DYNC2H1: variants seen among roughly 807,000 people sequenced by gnomAD.
DYNC2H1 encodes the protein cytoplasmic dynein 2 heavy chain 1.
DYNC2H1 carries 410 observed loss-of-function variants against 570.0 expected under a neutral mutation model. That is an observed-to-expected ratio of 0.72 (90% CI 0.66 to 0.78). DYNC2H1 has a LOEUF of 0.78. DYNC2H1 is among the 30% of genes least tolerant of loss of function. The probability of loss-of-function intolerance (pLI) is 0.00; values close to 1 mark genes in which losing one functional copy is unlikely to be tolerated. For synonymous variants in DYNC2H1, 1,688 were observed against 1,677.6 expected (o/e 1.01, Z -0.15); for missense variants, 4,865 against 5,046.4 (o/e 0.96, Z 1.09).
rs768773671 is a variant in DYNC2H1, at chr11:103,439,995, T to G, written c.12456+3963T>G. ...ACAGCAGTATATTCTGATTCTTCTG[T>G]GATGATCATTCTAAATTCTAGCGTG... On this transcript the variant is annotated intron_variant, in intron 85 of 88. Transcript: ENST00000375735. The surrounding 1 kb of genome is among the most constrained non-coding windows in gnomAD (Gnocchi z 4.1). 6.6e-6 allele frequency among the ~76,000 whole-genome samples: 1 copy of G among 152,116 alleles called. No homozygotes were observed. Among genetic ancestry groups the G allele is most frequent in the Non-Finnish European group, 1.5e-5 (1 of 68,012 alleles).
At chr11:103,311,213 A>G (rs1867572711) in intron 78 of DYNC2H1, among the ~76,000 whole-genome samples, 1 of 152,150 alleles carries the variant, frequency 6.6e-6, no homozygotes, top group Non-Finnish European at 1.5e-5. Context: ...ATTTTTTAAT[A>G]TTAGAATTCT....
intron 45 of DYNC2H1, 142 bp from the exon 46 acceptor site, chr11:103,191,375 T>C: frequency 1.6e-6 from 1 of 615,714 alleles, no homozygotes; most frequent in Non-Finnish European, 2.8e-6. Flanking sequence ...AGTATAAAGA[T>C]AATGAAGTCA....
chr11:103,394,538 A>G lies in DYNC2H1; in HGVS notation c.12157-5125A>G, dbSNP rs374670764. On this transcript the variant is annotated intron_variant, in intron 83 of 88. Transcript: ENST00000375735. Reference sequence around the variant, plus strand: ...TGGTATTGAGGGAGGCTCAATACCAAGAGGAGGGTAGGGAAGGGAATAAAA... The same window carrying G: ...TGGTATTGAGGGAGGCTCAATACCAGGAGGAGGGTAGGGAAGGGAATAAAA... Among the ~76,000 whole-genome samples, 13 of 152,144 alleles carry G rather than the reference A, an allele frequency of 8.5e-5. No individual in the cohort carries two copies. The South Asian group carries it at 1.5e-3, about 17-fold the overall frequency.
intron 84 of DYNC2H1, among the ~76,000 whole-genome samples, chr11:103,409,425 G>T (rs1709149): frequency 0.33 from 49,144 of 151,040 alleles, 8,072 homozygotes; most frequent in African/African-American, 0.39. Context: ...TAGATGTTGA[G>T]CTTGAATGCT....
At chr11:103,295,902 G>A (rs1275425674) in intron 75 of DYNC2H1, among the ~76,000 whole-genome samples, 3 of 152,146 alleles carry the variant, frequency 2.0e-5, no homozygotes, top group Non-Finnish European at 4.4e-5. Flanking sequence ...CACTGGGTCT[G>A]AGTGCCCTCG....
At chr11:103,308,958 C>T (rs536648149) in intron 78 of DYNC2H1, among the ~76,000 whole-genome samples, 2 of 152,028 alleles carry the variant, frequency 1.3e-5, no homozygotes, top group South Asian at 2.1e-4. Context: ...GCTTTTCACT[C>T]TGTTGATTGT....
At chr11:103,414,328 AAATTCACCACTGCTGGG>A (rs1286679037) in intron 84 of DYNC2H1, among the ~76,000 whole-genome samples, 1 of 152,206 alleles carries the variant, frequency 6.6e-6, no homozygotes, top group Non-Finnish European at 1.5e-5. Flanking sequence ...TCCTTGAAAT[AAATTCACCACTGCTGGG>A]CGCAGTGGCT....
Position 103,192,248 on chromosome 11 carries a change from A to G in DYNC2H1, c.7692A>G (p.Ile2564Met). Residue 2564 changes from isoleucine to methionine, a missense_variant, in exon 47 of 89, where the codon ATA (isoleucine) becomes ATG (methionine). Transcript: ENST00000375735. ...TTCAAGGAGATTGGGGCTCAGACAT[A>G]TTAGACAATATGTCAGGTAAGGTAA... Reference protein sequence around the residue: ...SVFQGDWGSDILDNMSDSFYV... With the variant: ...SVFQGDWGSDMLDNMSDSFYV... The G allele has an allele frequency of 1.9e-6, 3 of 1,558,430 alleles. No homozygotes were observed. Among genetic ancestry groups the G allele is most frequent in the Non-Finnish European group, 2.6e-6 (3 of 1,144,934 alleles).
At chr11:103,255,869 A>G (rs990985740) in intron 67 of DYNC2H1, among the ~76,000 whole-genome samples, 7 of 152,082 alleles carry the variant, frequency 4.6e-5, no homozygotes, top group Admixed American at 1.3e-4. Context: ...GACAAAATTA[A>G]TACCTTGCTA....
rs12418765 is a variant in DYNC2H1 at position 103,325,391 on chromosome 11, G to T, written c.12039+1401G>T. On this transcript the variant is annotated intron_variant, in intron 82 of 88. Coordinates refer to ENST00000375735, the MANE Select transcript of DYNC2H1 (RefSeq NM_001377.3). This position sits in a 1 kb window ranked among gnomAD's most constrained non-coding sequence, Gnocchi z 4.8. ...CATCTTGAGTTGATTTTTGTATATG[G>T]TGGAAGGAGTGGGTCTAGTTTCCAT... Among the ~76,000 whole-genome samples, 23,193 of 152,148 alleles carry T rather than the reference G, an allele frequency of 0.15. 1,904 individuals are homozygous for T. The highest frequency in any genetic ancestry group is 0.25 in the Admixed American group (3,793 of 15,284).
chr11:103,217,679 C>T (rs1591426053), intron 55 of DYNC2H1, among the ~76,000 whole-genome samples: 2 of 152,186 alleles, frequency 1.3e-5, no homozygotes, highest in East Asian at 1.9e-4. Context: ...GAGGCAAAGA[C>T]TTGTTTGATG....
At chr11:103,260,628 T>TTG (rs1865237685) in intron 70 of DYNC2H1, among the ~76,000 whole-genome samples, 1 of 151,486 alleles carries the variant, frequency 6.6e-6, no homozygotes, top group African/African-American at 2.4e-5. Context: ...AATTTTTTTT[T>TTG]TTTTTTTTGG....
At position 103,204,229 on chromosome 11, in the gene DYNC2H1, T is replaced by C. The variant is rs1158178586; in HGVS notation, c.8311+453T>C. 2.6e-5 allele frequency among the ~76,000 whole-genome samples: 4 copies of C among 152,164 alleles called. No homozygotes were observed. The highest frequency in any genetic ancestry group is 7.2e-5 in the African/African-American group (3 of 41,436). On this transcript the variant is annotated intron_variant, in intron 51 of 88. Coordinates refer to ENST00000375735, the MANE Select transcript of DYNC2H1 (RefSeq NM_001377.3). This position sits in a 1 kb window ranked among gnomAD's most constrained non-coding sequence, Gnocchi z 4.1. ...CCTGCCCCGCTCCATGATTCAATCA[T>C]GTCCCACCAGGTTCCTCCCGCAACA...
intron 88 of DYNC2H1, 76 bp downstream of exon 88, chr11:103,468,781 C>A: frequency 1.1e-5 from 13 of 1,189,180 alleles, no homozygotes; most frequent in Non-Finnish European, 1.4e-5. Flanking sequence ...AGAAGACATT[C>A]TTGGCCTGTG....
rs868489185 is a variant in DYNC2H1 at position 103,275,525 on chromosome 11, C to A, written c.10696-4823C>A. ...TCCTGCTCACTTAACCCCTGGCAAA[C>A]GCTGATCCTTTTACTGCCTATAGTT... is the stretch of plus-strand genomic sequence containing the variant. On this transcript the variant is annotated intron_variant, in intron 70 of 88. Transcript: ENST00000375735. This position sits in a 1 kb window ranked among gnomAD's most constrained non-coding sequence, Gnocchi z 4.8. Among the ~76,000 whole-genome samples the A allele has an allele frequency of 1.8e-4, 28 of 152,160 alleles. No homozygotes were observed. Among genetic ancestry groups the A allele is most frequent in the African/African-American group, 5.8e-4 (24 of 41,426 alleles).
At chr11:103,168,148 T>G (rs189006148) in intron 31 of DYNC2H1, among the ~76,000 whole-genome samples, 5 of 152,310 alleles carry the variant, frequency 3.3e-5, no homozygotes, top group Non-Finnish European at 7.4e-5. Flanking sequence ...GTTTACCTAC[T>G]CTCTTGGGAT....
intron 85 of DYNC2H1, among the ~76,000 whole-genome samples, chr11:103,454,683 T>G (rs313876): frequency 0.033 from 5,099 of 152,288 alleles, 291 homozygotes; most frequent in African/African-American, 0.12. Flanking sequence ...TATATTGATA[T>G]GTATTTCTCC....
intron 65 of DYNC2H1, among the ~76,000 whole-genome samples, chr11:103,248,873 A>G (rs1864723079): frequency 6.6e-6 from 1 of 151,994 alleles, no homozygotes; most frequent in South Asian, 2.1e-4. Flanking sequence ...TCCGTTGTAC[A>G]CGTTGACTGA....
rs2135581777 is a variant in DYNC2H1, at chr11:103,382,264, G to A, written c.12157-17399G>A. ...CATATAAAAGAATCTCTTTTGGTCT[G>A]GTAGAATCTGTTGAGAGAAAAATAG... On this transcript the variant is annotated intron_variant, in intron 83 of 88. Transcript: ENST00000375735. 3.9e-5 allele frequency among the ~76,000 whole-genome samples: 6 copies of A among 152,166 alleles called. No individual in the cohort carries two copies. In the South Asian group the frequency reaches 1.2e-3, roughly 32 times the overall value.
Sources: allele counts gnomAD v4.1 joint callset (sites outside exome capture counted in the v4.1 genomes callset), GRCh38; gene constraint gnomAD v4.1.1; non-coding constraint Gnocchi (gnomAD v3.1); transcripts MANE v1.5; gene names NCBI Gene and HGNC (gene_info 2026-07-23, HGNC 2026-07-21).